Variants in IVD observed in about 807,000 individuals in gnomAD.
IVD encodes isovaleryl-CoA dehydrogenase, also known as isovaleryl-CoA dehydrogenase, mitochondrial.
Under a neutral mutation model 51.3 loss-of-function variants are expected in IVD, and 31 were observed. That is an observed-to-expected ratio of 0.60 (90% CI 0.45 to 0.81). The LOEUF (loss-of-function observed/expected upper bound fraction) is 0.81, where lower values mean the gene tolerates loss of function less well. IVD is among the 40% of genes least tolerant of loss of function. The pLI, the probability that IVD is intolerant of heterozygous loss-of-function variation, is 0.00. For missense variants in IVD, 475 were observed against 552.0 expected, an observed-to-expected ratio of 0.86 and a Z score of 1.40; for synonymous variants, 205 against 219.4, an observed-to-expected ratio of 0.93 and a Z score of 0.58.
chr15:40,424,272 C>T, downstream of IVD: 1 of 982,546 alleles, frequency 1.0e-6, no homozygotes, highest in South Asian at 1.4e-5. Flanking sequence ...GGGCCTTCCC[C>T]TTCTGCTGCT....
chr15:40,414,836 A>T, intron 7 of IVD, 53 bp from the exon 8 acceptor site: 1 of 1,609,934 alleles, frequency 6.2e-7, no homozygotes, highest in Non-Finnish European at 8.5e-7. Flanking sequence ...CTTTGATAAA[A>T]GTGAGGAGGC....
At chr15:40,408,299 ACT>A (rs1188974727) in intron 3 of IVD, among the ~76,000 whole-genome samples, 1 of 151,936 alleles carries the variant, frequency 6.6e-6, no homozygotes, top group Non-Finnish European at 1.5e-5. Context: ...AGTTTAGAAA[ACT>A]CTGGATCAAG....
At chr15:40,409,902 T>A (rs1411369235) in intron 3 of IVD, among the ~76,000 whole-genome samples, 2 of 150,270 alleles carry the variant, frequency 1.3e-5, no homozygotes, top group African/African-American at 2.4e-5. Context: ...AGTGGCGCGA[T>A]CTCGGCTCTC....
chr15:40,407,163 G>T (rs779026553), intron 1 of IVD, among the ~76,000 whole-genome samples: 1 of 152,196 alleles, frequency 6.6e-6, no homozygotes, highest in Non-Finnish European at 1.5e-5. Context: ...ATGCCCAGCC[G>T]CCAAGAGGCG....
downstream of IVD, chr15:40,424,191 A>G: frequency 4.7e-6 from 6 of 1,288,206 alleles, no homozygotes; most frequent in Non-Finnish European, 6.1e-6. Context: ...AGCTCCCCGC[A>G]AATTCTTCAG....
downstream of IVD, chr15:40,424,221 G>A: frequency 7.8e-7 from 1 of 1,285,150 alleles, no homozygotes; most frequent in Non-Finnish European, 1.0e-6. Flanking sequence ...GCACCTGTAA[G>A]ATCTAAGGCT....
At chr15:40,432,020 A>G (rs573835186) in intron 7 of IVD, among the ~76,000 whole-genome samples, 17 of 148,584 alleles carry the variant, frequency 1.1e-4, no homozygotes, top group African/African-American at 4.2e-4. Context: ...TTGGAGTGCA[A>G]TAGTTCCATC....
At chr15:40,422,002 G>C (rs1892335405), downstream of IVD, among the ~76,000 whole-genome samples, 1 of 152,246 alleles carries the variant, frequency 6.6e-6, no homozygotes. Context: ...GGCAGGTCCA[G>C]AGTCCTTCCT....
Position 40,405,989 on chromosome 15 carries a change from C to T in IVD, c.144+18C>T. The T allele has an allele frequency of 2.0e-6, 3 of 1,537,752 alleles. No homozygotes were observed. Among genetic ancestry groups the T allele is most frequent in the Non-Finnish European group, 2.7e-6 (3 of 1,122,214 alleles). The stretch of plus-strand genomic sequence containing the variant: ...AGAGGCAGGTGAGGAGACTGACCCC[C>T]TTCCTGGCCCCAAGGCCTCCTTCCT... On this transcript the variant is annotated intron_variant, in intron 1 of 11. Transcript: ENST00000487418.
chr15:40,427,979 T>A (rs1232906814), downstream of IVD, among the ~76,000 whole-genome samples: 1 of 152,008 alleles, frequency 6.6e-6, no homozygotes, highest in Non-Finnish European at 1.5e-5. Context: ...GTCAGAAGTT[T>A]GAGACCAGCC....
chr15:40,435,662 A>G, downstream of IVD: 3 of 1,048,182 alleles, frequency 2.9e-6, no homozygotes, highest in Non-Finnish European at 3.5e-6. Flanking sequence ...TACAAAGCTT[A>G]GGTGGCCCTA....
At chr15:40,424,064 G>GA (rs1299861379), downstream of IVD, 2 of 997,114 alleles carry the variant, frequency 2.0e-6, no homozygotes, top group Non-Finnish European at 2.6e-6. Context: ...GCCACTCTCA[G>GA]AGGCTAGCCT....
intron 3 of IVD, among the ~76,000 whole-genome samples, chr15:40,409,169 T>G (rs552311108): frequency 6.6e-6 from 1 of 152,352 alleles, no homozygotes; most frequent in East Asian, 1.9e-4. Context: ...TGGGGGTTTA[T>G]GTACCCCACT....
chr15:40,411,292 C>T lies in IVD; in HGVS notation c.489C>T (p.Ala163=). 1 of 1,614,124 alleles carries T rather than the reference C, an allele frequency of 6.2e-7. No individual in the cohort carries two copies. Among genetic ancestry groups the T allele is most frequent in the Non-Finnish European group, 8.5e-7 (1 of 1,180,010 alleles). ...LISGEYIGAL[A]MSEPNAGSDV... ...GTGGTGAGTACATCGGAGCCCTGGC[C>T]ATGAGTGAGCCCAATGCAGGCTCTG... The change falls in exon 5 of 12, where the codon GCC becomes GCT. Residue 163 remains alanine (A), a synonymous_variant. Transcript: ENST00000487418.
chr15:40,405,909 C>T lies in IVD; in HGVS notation c.82C>T (p.Arg28Trp), dbSNP rs368170896. 5.0e-6 allele frequency: 8 copies of T among 1,613,190 alleles called. No homozygotes were observed. Among genetic ancestry groups the T allele is most frequent in the Non-Finnish European group, 5.9e-6 (7 of 1,179,824 alleles). Residue 28 changes from arginine to tryptophan, a missense_variant, in exon 1 of 12, where the codon CGG becomes TGG. Physicochemically the swap from Arg to Trp is moderately radical, Grantham distance 101. Transcript: ENST00000487418. Reference protein sequence around the residue: ...RPPLAGFVSQRAHSLLPVDDA... With the variant: ...RPPLAGFVSQWAHSLLPVDDA... ...GCCGCTTGCCGGCTTCGTTTCCCAG[C>T]GGGCCCACTCGCTTTTGCCCGTGGA...
At position 40,411,260 on chromosome 15, in the gene IVD, C is replaced by T. The variant is rs763665120; in HGVS notation, c.457C>T (p.Leu153=). ...GGCCTGTTGGGGGTTTTCCTTGCAG[C>T]TGATCAGTGGTGAGTACATCGGAGC... ...EAQKEKYLPK[L]ISGEYIGALA... is the part of the protein sequence containing the mutation. The change falls in exon 5 of 12, where the codon CTG becomes TTG. Residue 153 remains leucine (L), a splice_region_variant and synonymous_variant. Coordinates refer to ENST00000487418, the MANE Select transcript of IVD (RefSeq NM_002225.5). 4 of 1,614,112 alleles carry T rather than the reference C, an allele frequency of 2.5e-6. No individual in the cohort carries two copies. The highest frequency in any genetic ancestry group is 1.7e-6 in the Non-Finnish European group (2 of 1,179,980).
chr15:40,406,282 G>C (rs1890402849), intron 1 of IVD: 1 of 1,431,248 alleles, frequency 7.0e-7, no homozygotes, highest in Admixed American at 2.1e-5. Context: ...GATTGGCCAG[G>C]CTACCTACCG....
chr15:40,407,723 C>A lies in IVD; in HGVS notation c.232C>A (p.Arg78=). ...TCGCAGCAATGAGTTCAAGAACCTG[C>A]GAGTGAGTTGGGAGGTCCGGGCAGT... ...IDRSNEFKNL[R]EFWKQLGNLG... Residue 78 remains arginine (R), a splice_region_variant and synonymous_variant, in exon 2 of 12, where the codon CGA becomes AGA. Coordinates refer to ENST00000487418, the MANE Select transcript of IVD (RefSeq NM_002225.5). The A allele has an allele frequency of 1.9e-6, 3 of 1,613,828 alleles. No individual in the cohort carries two copies. The highest frequency in any genetic ancestry group is 2.5e-6 in the Non-Finnish European group (3 of 1,179,742).
chr15:40,415,191 T>C, intron 8 of IVD: 1 of 738,630 alleles, frequency 1.4e-6, no homozygotes, highest in Non-Finnish European at 2.2e-6. Context: ...ACAAAAGGCC[T>C]GAGGAGCAGG....
Sources: allele counts gnomAD v4.1 joint callset (sites outside exome capture counted in the v4.1 genomes callset), GRCh38; gene constraint gnomAD v4.1.1; transcripts MANE v1.5; gene names NCBI Gene and HGNC (gene_info 2026-07-23, HGNC 2026-07-21).